Variants in WDR7 observed in about 807,000 individuals in gnomAD.
The protein encoded by WDR7 is WD repeat-containing protein 7.
WDR7 carries 46 observed loss-of-function variants against 169.4 expected under a neutral mutation model. That is an observed-to-expected ratio of 0.27 (90% CI 0.21 to 0.35). WDR7 has a LOEUF of 0.35. WDR7 is among the 10% of genes least tolerant of loss of function. The pLI, the probability that WDR7 is intolerant of heterozygous loss-of-function variation, is 1.00. For missense variants in WDR7, 1,534 were observed against 1,859.3 expected (o/e 0.83, Z 3.22); for synonymous variants, 612 against 666.8 (o/e 0.92, Z 1.27).
chr18:56,865,305 G>A (rs1001833425), intron 20 of WDR7, among the ~76,000 whole-genome samples: 18 of 151,978 alleles, frequency 1.2e-4, no homozygotes, highest in Non-Finnish European at 4.4e-5. Flanking sequence ...GCTTCAGACA[G>A]GTTTATTTGG....
chr18:56,898,801 C>T (rs146461263), intron 21 of WDR7, among the ~76,000 whole-genome samples: 7 of 152,058 alleles, frequency 4.6e-5, no homozygotes, highest in Middle Eastern at 3.4e-3. Context: ...CCAAAAAGGG[C>T]GCTGGTGAAG....
At chr18:56,836,477 G>T (rs764791525) in intron 20 of WDR7, among the ~76,000 whole-genome samples, 1 of 152,130 alleles carries the variant, frequency 6.6e-6, no homozygotes, top group Admixed American at 6.5e-5. Flanking sequence ...GATCAAAGAC[G>T]TTTTTAATTT....
intron 21 of WDR7, among the ~76,000 whole-genome samples, chr18:56,889,334 T>C (rs1004727470): frequency 2.0e-5 from 3 of 152,222 alleles, no homozygotes; most frequent in Admixed American, 6.5e-5. Context: ...ATATCTCTTG[T>C]TACCCTGAAA....
intron 26 of WDR7, among the ~76,000 whole-genome samples, chr18:56,999,601 G>T (rs2047946145): frequency 6.6e-6 from 1 of 152,020 alleles, no homozygotes. Context: ...AAGGGTGGTG[G>T]GCACTTATCA....
chr18:56,958,317 C>T (rs1356439527), intron 25 of WDR7, among the ~76,000 whole-genome samples: 1 of 152,100 alleles, frequency 6.6e-6, no homozygotes, highest in African/African-American at 2.4e-5. Context: ...TCCACAATAA[C>T]GTGTTCTAGT....
Position 56,885,657 on chromosome 18 carries a change from T to TAA in WDR7, c.3526+5502_3526+5503dup, listed in dbSNP as rs56039100. ...TAACACGGTGAAACCCTGTCTCTAC[T>TAA]AAAAAAAAAAATACAGAAAATTAGC... On this transcript the variant is annotated intron_variant, in intron 21 of 27. Transcript: ENST00000254442. Among the ~76,000 whole-genome samples, 556 of 146,580 alleles carry TAA rather than the reference T, an allele frequency of 3.8e-3. 6 individuals carry two copies. Among genetic ancestry groups the TAA allele is most frequent in the South Asian group, 0.033 (151 of 4,600 alleles).
At chr18:56,742,469 G>C (rs1163550593) in intron 14 of WDR7, among the ~76,000 whole-genome samples, 1 of 152,080 alleles carries the variant, frequency 6.6e-6, no homozygotes, top group African/African-American at 2.4e-5. Flanking sequence ...TGCTCTTTAT[G>C]AGATCATATA....
intron 19 of WDR7, among the ~76,000 whole-genome samples, chr18:56,797,070 T>C (rs117614166): frequency 0.013 from 1,940 of 152,286 alleles, 17 homozygotes; most frequent in East Asian, 0.031. Context: ...AATCATGTGA[T>C]CCTGTGAGCC....
At chr18:56,998,727 T>C (rs1374135659) in intron 26 of WDR7, among the ~76,000 whole-genome samples, 1 of 152,222 alleles carries the variant, frequency 6.6e-6, no homozygotes. Context: ...TACTAAATTG[T>C]GTACATAGAA....
chr18:56,658,683 A>G (rs2024833597), intron 1 of WDR7, among the ~76,000 whole-genome samples: 2 of 152,174 alleles, frequency 1.3e-5, no homozygotes, highest in Non-Finnish European at 2.9e-5. Context: ...AGTTGGAGCA[A>G]AAAATTCACA....
Position 56,731,434 on chromosome 18 carries a change from C to T in WDR7, c.1826C>T (p.Ala609Val). The T allele has an allele frequency of 3.7e-6, 6 of 1,614,138 alleles. No homozygotes were observed. Among genetic ancestry groups the T allele is most frequent in the Non-Finnish European group, 5.1e-6 (6 of 1,180,024 alleles). ...ATAACAGCAGTTGAGATTCTAAACG[C>T]TTGTGATGAAGCTGTTCCTGCTGCT... ...MGITAVEILN[A>V]CDEAVPAAVD... The change falls in exon 14 of 28, where the codon GCT becomes GTT. Residue 609 changes from alanine (A) to valine (V), a missense_variant. Physicochemically the swap from Ala to Val is moderately conservative, Grantham distance 64 (BLOSUM62 0). Transcript: ENST00000254442.
intron 16 of WDR7, among the ~76,000 whole-genome samples, chr18:56,769,590 G>A (rs982467917): frequency 1.1e-4 from 16 of 152,132 alleles, no homozygotes; most frequent in African/African-American, 3.9e-4. Flanking sequence ...TCTTGATTGT[G>A]ACCATATCTT....
chr18:56,805,144 A>G (rs573165365), intron 19 of WDR7, among the ~76,000 whole-genome samples: 2 of 152,280 alleles, frequency 1.3e-5, no homozygotes, highest in Admixed American at 1.3e-4. Context: ...GTTGGGTTCT[A>G]GATGTTCCTT....
intron 14 of WDR7, among the ~76,000 whole-genome samples, chr18:56,750,159 A>G (rs141073316): frequency 0.013 from 2,008 of 152,254 alleles, 20 homozygotes; most frequent in East Asian, 0.033. Flanking sequence ...TGTAATTGTC[A>G]CAGGTTCACT....
In WDR7 at chr18:56,893,062, TCTGC is replaced by T. The variant is rs145220220; in HGVS notation, c.3526+12899_3526+12902del. On this transcript the variant is annotated intron_variant, in intron 21 of 27. Transcript: ENST00000254442. ...TGATGCAGCATGGTACAAGACTCTTTCTGCCAGCCACCTAAAGTATATACTGGTT... is the reference window on the plus strand; with the variant it reads ...TGATGCAGCATGGTACAAGACTCTTTCAGCCACCTAAAGTATATACTGGTT... 9.7e-3 allele frequency among the ~76,000 whole-genome samples: 1,474 copies of T among 152,234 alleles called. 28 individuals are homozygous for T. The highest frequency in any genetic ancestry group is 0.034 in the African/African-American group (1,404 of 41,558).
chr18:56,669,055 G>C (rs778593190), intron 1 of WDR7, among the ~76,000 whole-genome samples: 2 of 152,126 alleles, frequency 1.3e-5, no homozygotes, highest in Admixed American at 6.5e-5. Context: ...CTGAGACCTA[G>C]AGAGATAACT....
intron 1 of WDR7, among the ~76,000 whole-genome samples, chr18:56,662,797 A>G (rs2024933663): frequency 6.6e-6 from 1 of 152,228 alleles, no homozygotes; most frequent in South Asian, 2.1e-4. Flanking sequence ...AATCAGAAAA[A>G]TCTTCAGATA....
At chr18:56,726,341 G>A (rs1316359403) in intron 13 of WDR7, among the ~76,000 whole-genome samples, 1 of 152,160 alleles carries the variant, frequency 6.6e-6, no homozygotes, top group African/African-American at 2.4e-5. Flanking sequence ...GCAGTGGTTT[G>A]TAGTTCTCCT....
intron 25 of WDR7, among the ~76,000 whole-genome samples, chr18:56,955,377 T>C (rs1302281139): frequency 2.0e-5 from 3 of 152,168 alleles, no homozygotes; most frequent in African/African-American, 7.2e-5. Context: ...GAATATTTAA[T>C]TTTCAGCCTG....
Sources: allele counts gnomAD v4.1 joint callset (sites outside exome capture counted in the v4.1 genomes callset), GRCh38; gene constraint gnomAD v4.1.1; transcripts MANE v1.5; gene names NCBI Gene and HGNC (gene_info 2026-07-23, HGNC 2026-07-21).